CDH18: variants seen among roughly 807,000 people sequenced by gnomAD.
CDH18 encodes the protein cadherin 18, also known as cadherin-18.
A neutral mutation model predicts 67.9 loss-of-function variants in CDH18; 31 were observed. The ratio of observed to expected loss-of-function variants is 0.46; its 90% CI spans 0.34 to 0.62. The LOEUF (loss-of-function observed/expected upper bound fraction) is 0.62, where lower values mean the gene tolerates loss of function less well. Ranked by LOEUF, CDH18 falls within the 20% of genes least tolerant of loss-of-function variation. The probability of loss-of-function intolerance (pLI) is 0.01; values close to 1 mark genes in which losing one functional copy is unlikely to be tolerated. For missense variants in CDH18, 890 were observed against 975.5 expected (o/e 0.91, Z 1.17); for synonymous variants, 362 against 347.2 (o/e 1.04, Z -0.48).
chr5:20,468,466 T>C (rs947370212), intron 1 of CDH18, among the ~76,000 whole-genome samples: 2 of 152,190 alleles, frequency 1.3e-5, no homozygotes, highest in African/African-American at 2.4e-5. Context: ...ATGTTTTCTT[T>C]CTCATCGTTA....
chr5:19,982,480 T>G (rs559303082), intron 1 of CDH18, among the ~76,000 whole-genome samples: 2 of 152,266 alleles, frequency 1.3e-5, no homozygotes, highest in East Asian at 3.9e-4. Flanking sequence ...TATATTTAAT[T>G]GCCATACATT....
At chr5:19,828,755 G>T (rs897833506) in intron 3 of CDH18, among the ~76,000 whole-genome samples, 1 of 152,042 alleles carries the variant, frequency 6.6e-6, no homozygotes, top group Non-Finnish European at 1.5e-5. Flanking sequence ...AACAGGAGCC[G>T]GCTGGGCGCT....
intron 5 of CDH18, among the ~76,000 whole-genome samples, chr5:19,698,720 C>T (rs1762843238): frequency 6.6e-6 from 1 of 151,744 alleles, no homozygotes; most frequent in South Asian, 2.1e-4. Context: ...ATAAATGACA[C>T]CTTTGAAAAG....
intron 4 of CDH18, among the ~76,000 whole-genome samples, chr5:19,722,928 C>G (rs999156212): frequency 6.6e-6 from 1 of 152,044 alleles, no homozygotes; most frequent in East Asian, 1.9e-4. Flanking sequence ...GTCCGTTCAA[C>G]TAGAAAATTT....
At chr5:19,946,948 T>A (rs937734234) in intron 2 of CDH18, among the ~76,000 whole-genome samples, 10 of 152,154 alleles carry the variant, frequency 6.6e-5, no homozygotes, top group Admixed American at 5.9e-4. Context: ...TCAAACCATG[T>A]AATCCACCAT....
chr5:19,760,789 G>T (rs1772226977), intron 3 of CDH18, among the ~76,000 whole-genome samples: 1 of 152,162 alleles, frequency 6.6e-6, no homozygotes, highest in African/African-American at 2.4e-5. Flanking sequence ...GATGATGGGG[G>T]TGGCTCCTGA....
intron 1 of CDH18, among the ~76,000 whole-genome samples, chr5:20,264,251 T>C (rs976143672): frequency 2.0e-5 from 3 of 152,100 alleles, no homozygotes; most frequent in African/African-American, 7.2e-5. Flanking sequence ...CCAGTGAAGA[T>C]ACTGATGTTC....
At chr5:19,990,402 C>G (rs1329833295), upstream of CDH18, among the ~76,000 whole-genome samples, 6 of 152,144 alleles carry the variant, frequency 3.9e-5, no homozygotes, top group African/African-American at 1.4e-4. Flanking sequence ...TTTTTGCTGG[C>G]CTTCCTTGGT....
At chr5:19,762,234 A>T (rs1195551385) in intron 3 of CDH18, among the ~76,000 whole-genome samples, 13 of 152,220 alleles carry the variant, frequency 8.5e-5, no homozygotes, top group African/African-American at 2.9e-4. Context: ...AAGACAAAAT[A>T]GACAAATGGG....
At chr5:20,546,792 A>G (rs1483297441) in intron 1 of CDH18, among the ~76,000 whole-genome samples, 4 of 150,656 alleles carry the variant, frequency 2.7e-5, no homozygotes, top group Admixed American at 6.6e-5. Context: ...TACACACAGT[A>G]CAAGATAGAG....
chr5:19,593,863 CTG>C (rs1388348820), intron 6 of CDH18, among the ~76,000 whole-genome samples: 1 of 151,802 alleles, frequency 6.6e-6, no homozygotes, highest in Non-Finnish European at 1.5e-5. Flanking sequence ...GCTTTTCACT[CTG>C]TAGATTGTTT....
chr5:20,214,840 A>G (rs1740632641), intron 2 of CDH18, among the ~76,000 whole-genome samples: 1 of 152,082 alleles, frequency 6.6e-6, no homozygotes, highest in Admixed American at 6.6e-5. Context: ...AAGTTGACAA[A>G]TGTAATCTAA....
At chr5:20,043,097 G>A (rs992562529) in intron 2 of CDH18, among the ~76,000 whole-genome samples, 2 of 151,900 alleles carry the variant, frequency 1.3e-5, no homozygotes, top group South Asian at 4.2e-4. Flanking sequence ...CCTATGTATT[G>A]GGGGATGTTT....
chr5:20,404,097 T>G (rs1746017415), intron 1 of CDH18, among the ~76,000 whole-genome samples: 2 of 152,194 alleles, frequency 1.3e-5, no homozygotes, highest in African/African-American at 2.4e-5. Context: ...CTTCCAACTT[T>G]TCTTCTGCTG....
chr5:19,805,157 G>C (rs1437238832), intron 3 of CDH18, among the ~76,000 whole-genome samples: 2 of 152,046 alleles, frequency 1.3e-5, no homozygotes, highest in Admixed American at 1.3e-4. Flanking sequence ...CTGTTTCTCA[G>C]GCTAGTCTCA....
At chr5:19,942,442 T>G (rs1228716896) in intron 2 of CDH18, among the ~76,000 whole-genome samples, 1 of 152,186 alleles carries the variant, frequency 6.6e-6, no homozygotes, top group Non-Finnish European at 1.5e-5. Context: ...CATATACAAA[T>G]AAAATATCCT....
intron 6 of CDH18, among the ~76,000 whole-genome samples, chr5:19,604,432 T>C (rs1257538191): frequency 6.6e-6 from 1 of 152,032 alleles, no homozygotes; most frequent in Non-Finnish European, 1.5e-5. Flanking sequence ...AGAGTTTGCC[T>C]GTCTTTCCTG....
chr5:19,474,025 A>G (rs1325267421), intron 12 of CDH18, among the ~76,000 whole-genome samples: 1 of 152,160 alleles, frequency 6.6e-6, no homozygotes, highest in Admixed American at 6.6e-5. Context: ...CCATTTAGTG[A>G]TTAAAGTGAG....
At chr5:19,856,833 C>G (rs1581667086) in intron 2 of CDH18, among the ~76,000 whole-genome samples, 1 of 152,268 alleles carries the variant, frequency 6.6e-6, no homozygotes, top group Non-Finnish European at 1.5e-5. Context: ...CGGCCACCCA[C>G]TCTTTGGTAT....
Sources: gnomAD v4.1 joint callset for allele counts (sites outside exome capture counted in the v4.1 genomes callset) on GRCh38, gnomAD v4.1.1 for gene constraint, MANE v1.5 for transcripts, NCBI Gene and HGNC (gene_info 2026-07-23, HGNC 2026-07-21) for gene names.